NAALAD2: variants seen among roughly 807,000 people sequenced by gnomAD.
NAALAD2 encodes the protein N-acetylated-alpha-linked acidic dipeptidase 2.
NAALAD2 carries 89 observed loss-of-function variants against 95.6 expected under a neutral mutation model. The observed-to-expected ratio is 0.93, with a 90% CI of 0.78 to 1.11. The LOEUF (loss-of-function observed/expected upper bound fraction) is 1.11. Among genes scored for constraint, NAALAD2 ranks in the 50% least tolerant of loss-of-function variants. The pLI is 0.00. For synonymous variants in NAALAD2, 264 were observed against 294.4 expected, an observed-to-expected ratio of 0.90 and a Z score of 1.06; for missense variants, 894 against 872.4, an observed-to-expected ratio of 1.02 and a Z score of -0.31.
At chr11:90,164,858 T>G (rs189444344) in intron 11 of NAALAD2, among the ~76,000 whole-genome samples, 1 of 152,280 alleles carries the variant, frequency 6.6e-6, no homozygotes, top group East Asian at 1.9e-4. Flanking sequence ...AATGTAGTAA[T>G]TTTTGAGACT....
chr11:90,176,131 G>C, intron 15 of NAALAD2, 69 bp downstream of exon 15: 3 of 1,246,078 alleles, frequency 2.4e-6, no homozygotes, highest in Non-Finnish European at 3.5e-6. Flanking sequence ...ATGTCACTGA[G>C]TTGTTTGGCA....
rs1951913698 is a variant in NAALAD2, at chr11:90,152,426, A to G, written c.738A>G (p.Gly246=). The change falls in exon 6 of 19, where the codon GGA becomes GGG. Residue 246 remains glycine (G), a synonymous_variant. Transcript: ENST00000534061. ...TTCCTGGAACTGCAGCCCAGAGAGG[A>G]AATGTGTTAAATTTGAATGGTGCTG... ...WNLPGTAAQR[G]NVLNLNGAGD... The G allele has an allele frequency of 6.2e-7, 1 of 1,613,840 alleles. No individual in the cohort carries two copies. Among genetic ancestry groups the G allele is most frequent in the Non-Finnish European group, 8.5e-7 (1 of 1,179,820 alleles).
rs1226794383 is a variant in NAALAD2 at position 90,186,515 on chromosome 11, GATTTATAGTCCTTTGGGTATA to G, written c.2033+3508_2033+3528del. ...TGTGCATGTGTCTTTATAGCAGCATGATTTATAGTCCTTTGGGTATATACCCAGTAATGGGATGGCTGGGTC... is the reference window on the plus strand; with the variant it reads ...TGTGCATGTGTCTTTATAGCAGCATGTACCCAGTAATGGGATGGCTGGGTC... On this transcript the variant is annotated intron_variant, in intron 18 of 18. Coordinates refer to ENST00000534061, the MANE Select transcript of NAALAD2 (RefSeq NM_005467.4). Among the ~76,000 whole-genome samples the G allele has an allele frequency of 2.0e-3, 311 of 152,294 alleles. 2 individuals are homozygous for G. Among genetic ancestry groups the G allele is most frequent in the African/African-American group, 7.1e-3 (294 of 41,554 alleles).
At chr11:90,178,670 C>CAA (rs71472288) in intron 16 of NAALAD2, among the ~76,000 whole-genome samples, 45 of 113,852 alleles carry the variant, frequency 4.0e-4, no homozygotes, top group African/African-American at 1.4e-3. Flanking sequence ...GGCTCCTTCT[C>CAA]AAAAAAAAAA....
chr11:90,188,646 A>C (rs779824160), intron 18 of NAALAD2, among the ~76,000 whole-genome samples: 74 of 152,336 alleles, frequency 4.9e-4, no homozygotes, highest in Non-Finnish European at 9.0e-4. Context: ...ATACTGTCAC[A>C]CTAGAAATTA....
intron 6 of NAALAD2, 43 bp from the exon 7 acceptor site, chr11:90,158,102 A>G: frequency 7.2e-7 from 1 of 1,395,778 alleles, no homozygotes; most frequent in Non-Finnish European, 1.0e-6. Flanking sequence ...TCTCTTGCTC[A>G]GATTTTTAAA....
intron 16 of NAALAD2, 149 bp downstream of exon 16, chr11:90,178,266 C>T: frequency 1.2e-6 from 1 of 847,588 alleles, no homozygotes; most frequent in South Asian, 1.9e-5. Flanking sequence ...AAAACAAACA[C>T]CTATTAAAGA....
chr11:90,176,085 A>G (rs200120573), intron 15 of NAALAD2, 23 bp downstream of exon 15: 9 of 1,559,380 alleles, frequency 5.8e-6, no homozygotes, highest in African/African-American at 1.4e-5. Context: ...ATCATTTTGA[A>G]TATATAACAT....
chr11:90,169,127 T>C, intron 12 of NAALAD2, 135 bp downstream of exon 12: 2 of 554,902 alleles, frequency 3.6e-6, no homozygotes, highest in Non-Finnish European at 6.3e-6. Context: ...ATCCCCTTCC[T>C]TTGAGATGCC....
At chr11:90,150,707 C>T in intron 5 of NAALAD2, 100 bp downstream of exon 5, 4 of 1,089,276 alleles carry the variant, frequency 3.7e-6, no homozygotes, top group Non-Finnish European at 4.8e-6. Flanking sequence ...TGCTTTCAAA[C>T]ATTTCTTTTC....
chr11:90,148,859 C>T, intron 3 of NAALAD2, 147 bp from the exon 4 acceptor site: 1 of 462,408 alleles, frequency 2.2e-6, no homozygotes, highest in East Asian at 3.7e-5. Context: ...TGATAAGGCT[C>T]TTTCTCATTG....
intron 18 of NAALAD2, among the ~76,000 whole-genome samples, chr11:90,186,606 G>C (rs1591032202): frequency 6.6e-6 from 1 of 151,874 alleles, no homozygotes; most frequent in South Asian, 2.1e-4. Flanking sequence ...ATGGTGCTGG[G>C]AAAACTGGCT....
chr11:90,159,588 A>G (rs1158285573), intron 8 of NAALAD2, among the ~76,000 whole-genome samples: 1 of 152,170 alleles, frequency 6.6e-6, no homozygotes, highest in African/African-American at 2.4e-5. Context: ...AGATTTTTCA[A>G]AATTCTCTCT....
rs377561756 is a variant in NAALAD2, at chr11:90,168,259, G to A, written c.1279-670G>A. ...AAACTCTGAACACATCCGAACATCA[G>A]TAGGAATAAACTCCGGACACGCCGC... On this transcript the variant is annotated intron_variant, in intron 11 of 18. Transcript: ENST00000534061. 1.3e-3 allele frequency among the ~76,000 whole-genome samples: 191 copies of A among 152,274 alleles called. 2 individuals carry two copies. Among genetic ancestry groups the A allele is most frequent in the African/African-American group, 4.0e-3 (166 of 41,560 alleles).
At chr11:90,183,856 A>T (rs182966647) in intron 18 of NAALAD2, among the ~76,000 whole-genome samples, 1 of 152,262 alleles carries the variant, frequency 6.6e-6, no homozygotes. Context: ...TGATATTTTC[A>T]GTTTATGATG....
intron 15 of NAALAD2, among the ~76,000 whole-genome samples, chr11:90,176,782 C>T (rs1952803295): frequency 6.6e-6 from 1 of 152,044 alleles, no homozygotes; most frequent in Non-Finnish European, 1.5e-5. Flanking sequence ...TCTTGCTTGC[C>T]CATTATATGT....
At chr11:90,177,313 CTT>C (rs200479754) in intron 15 of NAALAD2, among the ~76,000 whole-genome samples, 20 of 140,774 alleles carry the variant, frequency 1.4e-4, no homozygotes, top group Admixed American at 2.1e-4. Context: ...TGCCCAGAAC[CTT>C]TTTTTTTTTT....
At chr11:90,170,492 CTGAG>C (rs1487188228) in intron 13 of NAALAD2, among the ~76,000 whole-genome samples, 3 of 152,152 alleles carry the variant, frequency 2.0e-5, no homozygotes, top group Non-Finnish European at 2.9e-5. Flanking sequence ...CAAATATTCA[CTGAG>C]TGGTCACTAT....
chr11:90,169,787 G>A (rs987421732), intron 12 of NAALAD2: 8 of 346,062 alleles, frequency 2.3e-5, no homozygotes, highest in South Asian at 1.8e-4. Context: ...TTGCCAAAGT[G>A]CCCCTAAGAA....
Sources: allele counts gnomAD v4.1 joint callset (sites outside exome capture counted in the v4.1 genomes callset), GRCh38; gene constraint gnomAD v4.1.1; transcripts MANE v1.5; gene names NCBI Gene and HGNC (gene_info 2026-07-23, HGNC 2026-07-21).